ZNF507: variants seen among roughly 807,000 people sequenced by gnomAD.
ZNF507 encodes zinc finger protein 507.
In ZNF507, 29 loss-of-function variants were observed where a neutral mutation model predicts 80.0. The observed-to-expected ratio is 0.36, with a 90% CI of 0.27 to 0.49. ZNF507 has a LOEUF of 0.49. ZNF507 is among the 20% of genes least tolerant of loss of function. ZNF507 has a pLI of 0.98. For missense variants in ZNF507, 1,081 were observed against 1,152.2 expected, an observed-to-expected ratio of 0.94 and a Z score of 0.90; for synonymous variants, 462 against 422.5, an observed-to-expected ratio of 1.09 and a Z score of -1.15.
chr19:32,367,585 G>A (rs187864417), intron 5 of ZNF507, among the ~76,000 whole-genome samples: 1 of 152,252 alleles, frequency 6.6e-6, no homozygotes, highest in Non-Finnish European at 1.5e-5. Flanking sequence ...CTTATATTCT[G>A]AAACTAGTTT....
Position 32,354,137 on chromosome 19 carries a change from A to G in ZNF507, c.1307A>G (p.Glu436Gly). The G allele has an allele frequency of 6.2e-7, 1 of 1,613,356 alleles. No individual in the cohort carries two copies. The highest frequency in any genetic ancestry group is 8.5e-7 in the Non-Finnish European group (1 of 1,180,028). The change falls in exon 3 of 7, where the codon GAA becomes GGA. Residue 436 changes from glutamate to glycine, a missense_variant. Physicochemically the swap from Glu to Gly is moderately conservative, Grantham distance 98. This residue lies in a region of ZNF507 where 614 missense variants were observed against 583.9 expected (regional missense o/e 1.05). Coordinates refer to ENST00000355898, the MANE Select transcript of ZNF507 (RefSeq NM_001136156.2). ...CTGACAGAAGCTCAGATTGGGCGCG[A>G]AGGAATGGATGATGTTTATCGTGCT... ...LSLTEAQIGR[E>G]GMDDVYRADK...
In ZNF507 at chr19:32,386,867, C is replaced by G. The variant is rs773926443; in HGVS notation, c.*3784C>G. ...GTTAAAAAAAACTTGGCTCCAAGTT[C>G]TATTAACCACAGGTTGTGTTCATTC... On this transcript the variant is annotated 3_prime_UTR_variant, in exon 7 of 7. Transcript: ENST00000355898. 6.6e-6 allele frequency: 1 copy of G among 152,486 alleles called. No individual in the cohort carries two copies. Among genetic ancestry groups the G allele is most frequent in the African/African-American group, 2.4e-5 (1 of 41,404 alleles). 9.4% of individuals were successfully genotyped at this position (152,486 alleles called of 1,614,324 possible).
In ZNF507 at chr19:32,345,792, C is replaced by CCT. The variant is rs1967088538; in HGVS notation, c.-97+10_-97+11insTC. The stretch of plus-strand genomic sequence containing the variant: ...CCGCCGCCTGACCGCAGGTACCGCG[C>CCT]CCCGGGGCCGCCCCTCCGCCCGCTG... On this transcript the variant is annotated intron_variant, in intron 1 of 6. Transcript: ENST00000355898. 1 of 154,252 alleles carries CCT rather than the reference C, an allele frequency of 6.5e-6. No homozygotes were observed. The highest frequency in any genetic ancestry group is 1.9e-4 in the East Asian group (1 of 5,256). 9.6% of individuals were successfully genotyped at this position (154,252 alleles called of 1,614,324 possible). A position where few individuals can be genotyped will look rare whatever the true frequency, so the allele number is the denominator to read the frequency against.
chr19:32,357,199 A>C (rs1967264729), intron 4 of ZNF507: 1 of 152,604 alleles, frequency 6.6e-6, no homozygotes, highest in Non-Finnish European at 1.5e-5. Flanking sequence ...TTATTAAAAA[A>C]AAAAAAGCAC....
chr19:32,349,884 T>C (rs542577343), intron 2 of ZNF507, among the ~76,000 whole-genome samples: 1 of 152,320 alleles, frequency 6.6e-6, no homozygotes, highest in South Asian at 2.1e-4. Context: ...CTTTCTTTAT[T>C]CTCATCCTAT....
chr19:32,384,598 G>A lies in ZNF507; in HGVS notation c.*1515G>A, dbSNP rs1156909152. 1 of 152,062 alleles carries A rather than the reference G, an allele frequency of 6.6e-6. No individual in the cohort carries two copies. Among genetic ancestry groups the A allele is most frequent in the South Asian group, 2.1e-4 (1 of 4,814 alleles). 9.4% of individuals were successfully genotyped at this position (152,062 alleles called of 1,614,324 possible). On this transcript the variant is annotated 3_prime_UTR_variant, in exon 7 of 7. Transcript: ENST00000355898. ...TTCGAATGGGATACGCTGTAGGCAC[G>A]TTTTAAGAAGTATTCTGTTCCTAAA...
At chr19:32,373,794 T>G (rs1424924033) in intron 5 of ZNF507, among the ~76,000 whole-genome samples, 2 of 152,200 alleles carry the variant, frequency 1.3e-5, no homozygotes, top group African/African-American at 4.8e-5. Context: ...ACTTTGTGGG[T>G]TTTTGCTGCA....
rs916141092 is a variant in ZNF507, at chr19:32,383,279, T to C, written c.*196T>C. On this transcript the variant is annotated 3_prime_UTR_variant, in exon 7 of 7. Coordinates refer to ENST00000355898, the MANE Select transcript of ZNF507 (RefSeq NM_001136156.2). ...GACAAGCAGTAATGATATTTAAATA[T>C]TTTGAGTGAGGGGGAGTGGGTCAAA... 1.5e-6 allele frequency: 1 copy of C among 682,466 alleles called. No individual in the cohort carries two copies. The highest frequency in any genetic ancestry group is 1.8e-5 in the African/African-American group (1 of 55,228). The allele number at this position is 682,466 out of a possible 1,614,324, so 42.3% of individuals were successfully genotyped here.
At chr19:32,356,816 C>A in intron 4 of ZNF507, 83 bp downstream of exon 4, 1 of 1,032,082 alleles carries the variant, frequency 9.7e-7, no homozygotes, top group Non-Finnish European at 1.5e-6. Flanking sequence ...TGGTTATTTT[C>A]AGGGCAAAAG....
At chr19:32,347,000 A>T (rs1967105573) in intron 1 of ZNF507, among the ~76,000 whole-genome samples, 1 of 152,248 alleles carries the variant, frequency 6.6e-6, no homozygotes, top group Non-Finnish European at 1.5e-5. Flanking sequence ...GGTAAAACAA[A>T]ATACACAATT....
intron 5 of ZNF507, among the ~76,000 whole-genome samples, chr19:32,374,527 G>A (rs900540132): frequency 7.0e-6 from 1 of 143,786 alleles, no homozygotes; most frequent in Non-Finnish European, 1.5e-5. Context: ...AGGCTGAAGT[G>A]CAGTGGTGCA....
rs1179589877 is a variant in ZNF507 at position 32,386,705 on chromosome 19, C to CA, written c.*3623dup. On this transcript the variant is annotated 3_prime_UTR_variant, in exon 7 of 7. Coordinates refer to ENST00000355898, the MANE Select transcript of ZNF507 (RefSeq NM_001136156.2). ...TTCATGGGAGAGCAGTTCATCTGTTCAGAACAGTGAGGCAAGGTCTGTAGT... is the reference window on the plus strand; with the variant it reads ...TTCATGGGAGAGCAGTTCATCTGTTCAAGAACAGTGAGGCAAGGTCTGTAGT... 6.6e-6 allele frequency: 1 copy of CA among 152,618 alleles called. No individual in the cohort carries two copies. The highest frequency in any genetic ancestry group is 1.5e-5 in the Non-Finnish European group (1 of 68,044). The allele number at this position is 152,618 out of a possible 1,614,324, so 9.5% of individuals were successfully genotyped here.
At chr19:32,381,201 G>A (rs1490879283) in intron 5 of ZNF507, among the ~76,000 whole-genome samples, 1 of 152,128 alleles carries the variant, frequency 6.6e-6, no homozygotes, top group African/African-American at 2.4e-5. Context: ...TGGTTGCCCG[G>A]GATTCAGGGG....
At chr19:32,346,043 GCAGGCGTTGCTTCCTTCTC>G (rs1472012824) in intron 1 of ZNF507, among the ~76,000 whole-genome samples, 1 of 152,242 alleles carries the variant, frequency 6.6e-6, no homozygotes, top group Non-Finnish European at 1.5e-5. Flanking sequence ...CGGCCCGCCC[GCAGGCGTTGCTTCCTTCTC>G]CAGGCGTTGC....
At chr19:32,373,206 T>C (rs1967497492) in intron 5 of ZNF507, among the ~76,000 whole-genome samples, 1 of 151,172 alleles carries the variant, frequency 6.6e-6, no homozygotes, top group Non-Finnish European at 1.5e-5. Context: ...AGTTTCCACA[T>C]AGGAATTTCG....
rs1967223423 is a variant in ZNF507 at position 32,354,601 on chromosome 19, A to G, written c.1771A>G (p.Ile591Val). ...TGISMSLLTV[I>V]EKLRERTDQN... is the part of the protein sequence containing the mutation. ...CATCAGCATGTCCTTACTCACCGTC[A>G]TTGAAAAATTGAGAGAAAGGACAGA... The change falls in exon 3 of 7, where the codon ATT becomes GTT. Residue 591 changes from isoleucine (I) to valine (V), a missense_variant. By Grantham distance (29) the Ile-to-Val change is conservative. Coordinates refer to ENST00000355898, the MANE Select transcript of ZNF507 (RefSeq NM_001136156.2). The G allele has an allele frequency of 6.2e-7, 1 of 1,614,060 alleles. No individual in the cohort carries two copies. Among genetic ancestry groups the G allele is most frequent in the Admixed American group, 1.7e-5 (1 of 60,000 alleles).
intron 5 of ZNF507, among the ~76,000 whole-genome samples, chr19:32,376,226 G>A (rs1004398453): frequency 6.6e-6 from 1 of 151,758 alleles, no homozygotes; most frequent in Non-Finnish European, 1.5e-5. Context: ...AATAATAATG[G>A]TTATATCTAG....
chr19:32,369,495 T>C (rs1967441077), intron 5 of ZNF507, among the ~76,000 whole-genome samples: 1 of 152,186 alleles, frequency 6.6e-6, no homozygotes, highest in Non-Finnish European at 1.5e-5. Flanking sequence ...TAAGACTTTT[T>C]TTGGCCAATG....
intron 5 of ZNF507, among the ~76,000 whole-genome samples, chr19:32,367,816 C>G (rs1044702277): frequency 6.6e-6 from 1 of 152,162 alleles, no homozygotes; most frequent in Non-Finnish European, 1.5e-5. Context: ...AAGGTTGTCT[C>G]TCAGTGTAGT....
Sources: gnomAD v4.1 joint callset for allele counts (sites outside exome capture counted in the v4.1 genomes callset) on GRCh38, gnomAD v4.1.1 for gene constraint, gnomAD v4.1.1 regional missense constraint, MANE v1.5 for transcripts, NCBI Gene and HGNC (gene_info 2026-07-23, HGNC 2026-07-21) for gene names.